The following AK8 variants were observed in gnomAD, a reference collection of about 807,000 sequenced individuals.
The protein encoded by AK8 is adenylate kinase 8.
AK8 carries 44 observed loss-of-function variants against 54.6 expected under a neutral mutation model. The ratio of observed to expected loss-of-function variants is 0.81; its 90% CI spans 0.63 to 1.04. AK8 has a LOEUF of 1.04. Among genes scored for constraint, AK8 ranks in the 50% least tolerant of loss-of-function variants. The pLI is 0.00. For synonymous variants in AK8, 239 were observed against 245.6 expected (o/e 0.97, Z 0.25); for missense variants, 555 against 613.6 (o/e 0.90, Z 1.01).
intron 4 of AK8, among the ~76,000 whole-genome samples, chr9:132,855,685 T>G (rs1176688792): frequency 6.6e-6 from 1 of 152,228 alleles, no homozygotes; most frequent in Non-Finnish European, 1.5e-5. Context: ...CCTTGATGCA[T>G]TCAACAAGCA....
At chr9:132,763,916 AAGATTTC>A (rs1838602657) in intron 11 of AK8, among the ~76,000 whole-genome samples, 1 of 152,260 alleles carries the variant, frequency 6.6e-6, no homozygotes, top group Admixed American at 6.5e-5. Context: ...AAAAAGTAGG[AAGATTTC>A]AAATAACCTA....
chr9:132,762,679 G>A (rs1022880755), intron 11 of AK8, among the ~76,000 whole-genome samples: 5 of 152,034 alleles, frequency 3.3e-5, no homozygotes, highest in Non-Finnish European at 5.9e-5. Context: ...TGAGGCGGGC[G>A]GATCACCTGA....
At chr9:132,874,716 G>A (rs989647676) in intron 2 of AK8, among the ~76,000 whole-genome samples, 3 of 152,204 alleles carry the variant, frequency 2.0e-5, no homozygotes, top group African/African-American at 7.2e-5. Flanking sequence ...TGCCTGTCTA[G>A]GTAGACCAGA....
intron 11 of AK8, chr9:132,769,472 AGCGTC>A (rs1297643114): frequency 6.6e-6 from 1 of 152,240 alleles, no homozygotes; most frequent in Non-Finnish European, 1.5e-5. Flanking sequence ...GCCTGTTGCC[AGCGTC>A]GCAGGCAGGA....
intron 11 of AK8, among the ~76,000 whole-genome samples, chr9:132,766,542 G>T (rs1838732763): frequency 6.6e-6 from 1 of 151,970 alleles, no homozygotes; most frequent in Non-Finnish European, 1.5e-5. Context: ...TGGATTGGAA[G>T]AATTAATATT....
intron 11 of AK8, among the ~76,000 whole-genome samples, chr9:132,740,566 A>T (rs1397959867): frequency 6.6e-6 from 1 of 152,156 alleles, no homozygotes; most frequent in Non-Finnish European, 1.5e-5. Context: ...GGGAGGTGAG[A>T]GGGAAGAAGT....
At chr9:132,849,759 T>C (rs1842894020) in intron 5 of AK8, among the ~76,000 whole-genome samples, 1 of 152,200 alleles carries the variant, frequency 6.6e-6, no homozygotes, top group South Asian at 2.1e-4. Flanking sequence ...CCAATCAATA[T>C]ATTTTTGAGA....
At chr9:132,800,331 G>A (rs1468385029) in intron 10 of AK8, among the ~76,000 whole-genome samples, 1 of 152,204 alleles carries the variant, frequency 6.6e-6, no homozygotes, top group Non-Finnish European at 1.5e-5. Context: ...ACTACCACCT[G>A]CTGGTGAAAC....
chr9:132,765,503 G>A (rs1838690605), intron 11 of AK8, among the ~76,000 whole-genome samples: 1 of 151,654 alleles, frequency 6.6e-6, no homozygotes, highest in African/African-American at 2.4e-5. Flanking sequence ...TAACAAGCTG[G>A]GGACAGTGGT....
chr9:132,840,257 A>AAGGTCCC (rs1422703775), intron 5 of AK8, among the ~76,000 whole-genome samples: 2 of 152,170 alleles, frequency 1.3e-5, no homozygotes, highest in African/African-American at 4.8e-5. Context: ...AGTCACACTG[A>AAGGTCCC]AGGTCCCTTC....
At chr9:132,776,158 C>T (rs532244681) in intron 11 of AK8, among the ~76,000 whole-genome samples, 3 of 152,312 alleles carry the variant, frequency 2.0e-5, no homozygotes, top group Non-Finnish European at 4.4e-5. Flanking sequence ...TTCCTTTTTC[C>T]ACTCCAGTTC....
At chr9:132,738,389 G>A (rs1837216100) in intron 11 of AK8, among the ~76,000 whole-genome samples, 1 of 151,970 alleles carries the variant, frequency 6.6e-6, no homozygotes, top group Admixed American at 6.6e-5. Flanking sequence ...ACATCTTCAA[G>A]TTTATTCCCA....
chr9:132,727,631 C>A (rs1836638014), intron 11 of AK8, 97 bp from the exon 12 acceptor site: 2 of 1,195,916 alleles, frequency 1.7e-6, no homozygotes, highest in Admixed American at 2.0e-5. Context: ...AGAGACTGCT[C>A]CTCCCAGGGC....
chr9:132,734,344 C>T (rs529790320), intron 11 of AK8, among the ~76,000 whole-genome samples: 6 of 152,176 alleles, frequency 3.9e-5, no homozygotes, highest in Admixed American at 3.3e-4. Context: ...CTTGGCCGCA[C>T]CCTGAAGCCA....
At chr9:132,824,948 T>C (rs1564423335) in intron 8 of AK8, among the ~76,000 whole-genome samples, 1 of 152,212 alleles carries the variant, frequency 6.6e-6, no homozygotes, top group Non-Finnish European at 1.5e-5. Context: ...ATTTTACAGA[T>C]GAGCCAATTA....
intron 5 of AK8, among the ~76,000 whole-genome samples, chr9:132,841,518 T>C (rs1564432959): frequency 6.6e-6 from 1 of 152,164 alleles, no homozygotes; most frequent in Non-Finnish European, 1.5e-5. Context: ...GCTGGTGACA[T>C]AAAAATGCCT....
In AK8 at chr9:132,828,646, G is replaced by C. The variant is rs148608006; in HGVS notation, c.483C>G (p.Val161=). 1.2e-6 allele frequency: 2 copies of C among 1,611,098 alleles called. No individual in the cohort carries two copies. The highest frequency in any genetic ancestry group is 3.4e-5 in the Admixed American group (2 of 59,602). The change falls in exon 6 of 13, where the codon GTC becomes GTG. Residue 161 remains valine (V), a splice_region_variant and synonymous_variant. Coordinates refer to ENST00000298545, the MANE Select transcript of AK8 (RefSeq NM_152572.3). ...IQTLGITPRH[V]IVLSAPDTVL... The stretch of plus-strand genomic sequence containing the variant: ...GGGGGACCCTTGGGAGCTACTCACT[G>C]ACGTGTCTGGGTGTGATCCCCAGGG...
intron 10 of AK8, among the ~76,000 whole-genome samples, chr9:132,806,981 T>G (rs529887864): frequency 6.6e-6 from 1 of 152,292 alleles, no homozygotes; most frequent in Non-Finnish European, 1.5e-5. Context: ...AATGTAGGGA[T>G]GTGTGGGAGG....
chr9:132,744,981 G>C (rs991017335), intron 11 of AK8, among the ~76,000 whole-genome samples: 3 of 152,210 alleles, frequency 2.0e-5, no homozygotes, highest in East Asian at 1.9e-4. Flanking sequence ...CGGAGTGGAG[G>C]GGGTGGAGAC....
Sources: gnomAD v4.1 joint callset for allele counts (sites outside exome capture counted in the v4.1 genomes callset) on GRCh38, gnomAD v4.1.1 for gene constraint, MANE v1.5 for transcripts, NCBI Gene and HGNC (gene_info 2026-07-23, HGNC 2026-07-21) for gene names.